Variants in LDAH observed in about 807,000 individuals in gnomAD.
LDAH encodes lipid droplet associated hydrolase.
In LDAH, 26 loss-of-function variants were observed where a neutral mutation model predicts 29.6. The ratio of observed to expected loss-of-function variants is 0.88; its 90% CI spans 0.64 to 1.22. The LOEUF (loss-of-function observed/expected upper bound fraction) is 1.22, where lower values mean the gene tolerates loss of function less well. Ranked by LOEUF, LDAH falls within the 50% of genes most tolerant of loss-of-function variation. The probability of loss-of-function intolerance (pLI) is 0.00; values close to 1 mark genes in which losing one functional copy is unlikely to be tolerated. For synonymous variants in LDAH, 117 were observed against 133.0 expected (o/e 0.88, Z 0.83); for missense variants, 344 against 387.3 (o/e 0.89, Z 0.94).
chr2:20,773,326 AG>A (rs376154566), intron 4 of LDAH, among the ~76,000 whole-genome samples: 2,661 of 151,886 alleles, frequency 0.018, 72 homozygotes, highest in African/African-American at 0.056. Context: ...AAAAAAAAAA[AG>A]GACAATAAAT....
rs888764090 is a variant in LDAH, at chr2:20,773,526, T to C, written c.468+1284A>G. On this transcript the variant is annotated intron_variant, in intron 4 of 6. Transcript: ENST00000237822. ...AAAAGGAAAAATAAAGCCTGCATTC[T>C]GATTAAGACACCTTATTTAGGGAAA... Among the ~76,000 whole-genome samples the C allele has an allele frequency of 5.3e-5, 8 of 152,294 alleles. No homozygotes were observed. The South Asian group carries it at 6.2e-4, about 12-fold the overall frequency.
chr2:20,708,523 C>T (rs903589092), intron 5 of LDAH, among the ~76,000 whole-genome samples: 1 of 152,070 alleles, frequency 6.6e-6, no homozygotes, highest in Non-Finnish European at 1.5e-5. Context: ...GAAAATACAA[C>T]CCAAATGAGG....
Position 20,685,831 on chromosome 2 carries a change from T to G in LDAH, c.*1072A>C. 1.5e-6 allele frequency: 1 copy of G among 675,006 alleles called. No individual in the cohort carries two copies. Among genetic ancestry groups the G allele is most frequent in the South Asian group, 3.7e-5 (1 of 27,206 alleles). The allele number at this position is 675,006 out of a possible 1,614,324, so 41.8% of individuals were successfully genotyped here. A position where few individuals can be genotyped will look rare whatever the true frequency, so the allele number is the denominator to read the frequency against. ...TCTAGAGAAGGTGAATTCACATAAC[T>G]TAATGGCTGGGTTTGGTTCATTAAC... On this transcript the variant is annotated 3_prime_UTR_variant, in exon 7 of 7. Transcript: ENST00000237822.
At chr2:20,694,963 G>A (rs1663329992) in intron 6 of LDAH, among the ~76,000 whole-genome samples, 1 of 152,224 alleles carries the variant, frequency 6.6e-6, no homozygotes, top group South Asian at 2.1e-4. Context: ...CTCTGGCGAG[G>A]CCCTCTGGCA....
intron 6 of LDAH, among the ~76,000 whole-genome samples, chr2:20,696,408 G>T (rs953129348): frequency 6.6e-6 from 1 of 152,168 alleles, no homozygotes; most frequent in Non-Finnish European, 1.5e-5. Context: ...TGGCCCTCTG[G>T]GGGCAGGGGC....
At chr2:20,814,966 G>C (rs960452655) in intron 1 of LDAH, among the ~76,000 whole-genome samples, 1 of 152,106 alleles carries the variant, frequency 6.6e-6, no homozygotes, top group Admixed American at 6.5e-5. Context: ...TAATTACAGA[G>C]ATAACTCTGC....
At chr2:20,801,127 A>T (rs1262791311) in intron 2 of LDAH, among the ~76,000 whole-genome samples, 183 bp downstream of exon 2, 1 of 152,128 alleles carries the variant, frequency 6.6e-6, no homozygotes, top group Non-Finnish European at 1.5e-5. Context: ...CATAATGTAA[A>T]TACATAGAAG....
intron 4 of LDAH, among the ~76,000 whole-genome samples, chr2:20,741,669 C>T (rs1189820088): frequency 6.6e-6 from 1 of 152,302 alleles, no homozygotes; most frequent in South Asian, 2.1e-4. Context: ...CATTCTACTC[C>T]CCACTTTATA....
intron 3 of LDAH, 121 bp from the exon 4 acceptor site, chr2:20,775,100 C>G: frequency 1.2e-6 from 1 of 817,164 alleles, no homozygotes; most frequent in Non-Finnish European, 1.9e-6. Context: ...TACAGTGTGC[C>G]AGTGATAATA....
intron 4 of LDAH, among the ~76,000 whole-genome samples, chr2:20,762,145 C>G (rs779333076): frequency 2.0e-5 from 3 of 151,934 alleles, no homozygotes; most frequent in Non-Finnish European, 4.4e-5. Flanking sequence ...AATGGCTGTA[C>G]TTTCCATACT....
chr2:20,688,083 G>T (rs1394942823), intron 6 of LDAH, among the ~76,000 whole-genome samples: 1 of 152,190 alleles, frequency 6.6e-6, no homozygotes, highest in Non-Finnish European at 1.5e-5. Context: ...TACAAATGGA[G>T]CACCTACTTT....
rs985030175 is a variant in LDAH at position 20,684,260 on chromosome 2, C to T, written c.*2643G>A. 2 of 152,206 alleles carry T rather than the reference C, an allele frequency of 1.3e-5. No homozygotes were observed. The highest frequency in any genetic ancestry group is 2.4e-5 in the African/African-American group (1 of 41,438). The allele number at this position is 152,206 out of a possible 1,614,324, so 9.4% of individuals were successfully genotyped here. The stretch of plus-strand genomic sequence containing the variant: ...ATTAACAGTGGCATCTTACTCCCAG[C>T]TAATCTTCAGACCTCATTCAAGTTG... On this transcript the variant is annotated 3_prime_UTR_variant, in exon 7 of 7. Coordinates refer to ENST00000237822, the MANE Select transcript of LDAH (RefSeq NM_021925.4).
chr2:20,809,235 CAAA>C (rs56974629), intron 1 of LDAH, among the ~76,000 whole-genome samples: 2 of 133,966 alleles, frequency 1.5e-5, no homozygotes, highest in Admixed American at 7.4e-5. Flanking sequence ...ACTAGAAATA[CAAA>C]AAAAAAAAAA....
intron 4 of LDAH, among the ~76,000 whole-genome samples, chr2:20,745,088 C>A (rs888865718): frequency 6.6e-6 from 1 of 152,124 alleles, no homozygotes; most frequent in African/African-American, 2.4e-5. Flanking sequence ...ACATGTGGAA[C>A]TGGAAACCAG....
At chr2:20,697,826 T>A (rs2149345850) in intron 6 of LDAH, among the ~76,000 whole-genome samples, 1 of 152,344 alleles carries the variant, frequency 6.6e-6, no homozygotes, top group East Asian at 1.9e-4. Flanking sequence ...AAATTTAGTA[T>A]TTCTTTCAAT....
chr2:20,784,997 T>A (rs758913847), intron 3 of LDAH, among the ~76,000 whole-genome samples: 10 of 152,234 alleles, frequency 6.6e-5, no homozygotes, highest in Admixed American at 6.5e-5. Context: ...CTCTCTTCCA[T>A]CCTTTATAAC....
At chr2:20,782,800 A>G (rs1275390859) in intron 3 of LDAH, among the ~76,000 whole-genome samples, 4 of 151,810 alleles carry the variant, frequency 2.6e-5, no homozygotes, top group African/African-American at 7.3e-5. Context: ...TTTTTCTAAT[A>G]ATTTCTTGTT....
chr2:20,749,878 T>A (rs575160742), intron 4 of LDAH, among the ~76,000 whole-genome samples: 1 of 152,274 alleles, frequency 6.6e-6, no homozygotes, highest in Admixed American at 6.5e-5. Context: ...TCCTCACAGG[T>A]CTCTGAAGGG....
chr2:20,720,954 T>A (rs1216916669), intron 5 of LDAH, among the ~76,000 whole-genome samples: 1 of 152,126 alleles, frequency 6.6e-6, no homozygotes, highest in African/African-American at 2.4e-5. Context: ...GCTAGATCGA[T>A]CCTATCTTTT....
Sources: allele counts gnomAD v4.1 joint callset (sites outside exome capture counted in the v4.1 genomes callset), GRCh38; gene constraint gnomAD v4.1.1; transcripts MANE v1.5; gene names NCBI Gene and HGNC (gene_info 2026-07-23, HGNC 2026-07-21).